Variants in ESRRG observed in about 807,000 individuals in gnomAD.
The protein encoded by ESRRG is estrogen related receptor gamma, also known as estrogen-related receptor gamma.
Under a neutral mutation model 44.0 loss-of-function variants are expected in ESRRG, and 13 were observed. The ratio of observed to expected loss-of-function variants is 0.30; its 90% CI spans 0.19 to 0.47. The LOEUF (loss-of-function observed/expected upper bound fraction) is 0.47. Among genes scored for constraint, ESRRG ranks in the 20% least tolerant of loss-of-function variants. ESRRG has a pLI of 1.00. For synonymous variants in ESRRG, 215 were observed against 214.6 expected, an observed-to-expected ratio of 1.00 and a Z score of -0.02; for missense variants, 395 against 580.6, an observed-to-expected ratio of 0.68 and a Z score of 3.29.
intron 5 of ESRRG, among the ~76,000 whole-genome samples, chr1:216,530,027 G>A (rs191328083): frequency 4.6e-4 from 68 of 146,764 alleles, no homozygotes; most frequent in African/African-American, 1.1e-3. Context: ...CAGGAAAATC[G>A]CTTGAACACA....
chr1:216,938,679 A>G (rs1036424983), intron 2 of ESRRG, among the ~76,000 whole-genome samples: 1 of 152,196 alleles, frequency 6.6e-6, no homozygotes, highest in African/African-American at 2.4e-5. Context: ...GAAAGGCATC[A>G]TTGGCAGTGA....
intron 2 of ESRRG, among the ~76,000 whole-genome samples, chr1:216,883,387 A>C (rs1328751270): frequency 4.8e-5 from 1 of 20,620 alleles, no homozygotes; most frequent in African/African-American, 4.2e-4. Context: ...CTTCTCTGAG[A>C]AAAAAAAAAA....
chr1:216,594,681 T>C (rs2058183266), intron 3 of ESRRG, among the ~76,000 whole-genome samples: 1 of 152,186 alleles, frequency 6.6e-6, no homozygotes. Flanking sequence ...GACCTTTGCA[T>C]ACATAGTTCA....
chr1:216,681,460 C>T lies in ESRRG; in HGVS notation c.57-3969G>A, dbSNP rs145272138. On this transcript the variant is annotated intron_variant, in intron 1 of 6. Transcript: ENST00000408911. ...CCTCCCTGCTCCCCCCACCCGACAACAGGCCCCAGTGTGTGATGTTCCCCT... is the reference window on the plus strand; with the variant it reads ...CCTCCCTGCTCCCCCCACCCGACAATAGGCCCCAGTGTGTGATGTTCCCCT... 9.2e-3 allele frequency among the ~76,000 whole-genome samples: 1,404 copies of T among 152,162 alleles called. 24 individuals are homozygous for T. The highest frequency in any genetic ancestry group is 0.032 in the African/African-American group (1,330 of 41,496).
intron 2 of ESRRG, among the ~76,000 whole-genome samples, chr1:216,828,940 T>C (rs1483048861): frequency 6.6e-6 from 1 of 152,196 alleles, no homozygotes; most frequent in African/African-American, 2.4e-5. Context: ...CAATGCCCCA[T>C]GGTTAGGGAT....
At chr1:217,068,393 C>T (rs2090085428) in intron 1 of ESRRG, among the ~76,000 whole-genome samples, 1 of 151,446 alleles carries the variant, frequency 6.6e-6, no homozygotes, top group African/African-American at 2.4e-5. Flanking sequence ...GTTTAATCCC[C>T]TTCCTAACTT....
chr1:216,714,272 C>A (rs2084305976), intron 1 of ESRRG, among the ~76,000 whole-genome samples: 1 of 152,100 alleles, frequency 6.6e-6, no homozygotes, highest in African/African-American at 2.4e-5. Context: ...ACTCTGTATG[C>A]AAATATGGGT....
intron 5 of ESRRG, among the ~76,000 whole-genome samples, chr1:216,542,608 G>A (rs1485971470): frequency 2.6e-5 from 4 of 151,764 alleles, no homozygotes; most frequent in East Asian, 1.9e-4. Flanking sequence ...ATCTCTAATC[G>A]TCCTTCAAAA....
intron 2 of ESRRG, among the ~76,000 whole-genome samples, chr1:216,733,044 T>A: frequency 7.0e-6 from 1 of 142,020 alleles, no homozygotes. Flanking sequence ...CATTCCTCAT[T>A]AAGACAGAAG....
chr1:217,117,560 G>C (rs959599518), intron 1 of ESRRG, among the ~76,000 whole-genome samples: 2 of 151,880 alleles, frequency 1.3e-5, no homozygotes, highest in African/African-American at 4.8e-5. Flanking sequence ...ATTCCAGCCT[G>C]GATGACAGAG....
chr1:216,640,891 T>C (rs957533136), intron 3 of ESRRG, among the ~76,000 whole-genome samples: 1 of 152,172 alleles, frequency 6.6e-6, no homozygotes, highest in Non-Finnish European at 1.5e-5. Context: ...GAGTCCTATA[T>C]GGTTCTGGCC....
At chr1:216,642,813 G>A (rs1420143706) in intron 3 of ESRRG, among the ~76,000 whole-genome samples, 1 of 152,038 alleles carries the variant, frequency 6.6e-6, no homozygotes, top group Non-Finnish European at 1.5e-5. Flanking sequence ...AAATCACCTT[G>A]GCAATGTCTT....
intron 1 of ESRRG, among the ~76,000 whole-genome samples, chr1:217,022,176 G>A (rs1295884618): frequency 6.6e-6 from 1 of 152,180 alleles, no homozygotes; most frequent in Non-Finnish European, 1.5e-5. Flanking sequence ...AAGCCATTCA[G>A]CCAAAGGCTA....
chr1:216,568,570 C>A (rs983429427), intron 3 of ESRRG, among the ~76,000 whole-genome samples: 7 of 152,168 alleles, frequency 4.6e-5, no homozygotes, highest in Non-Finnish European at 8.8e-5. Flanking sequence ...ATAAAGAGCA[C>A]CTATGTGCTG....
rs1011312489 is a variant in ESRRG at position 216,682,872 on chromosome 1, CT to C, written c.57-5382del. 1.3e-3 allele frequency among the ~76,000 whole-genome samples: 196 copies of C among 152,154 alleles called. 1 individual carries two copies. Among genetic ancestry groups the C allele is most frequent in the African/African-American group, 4.3e-3 (180 of 41,510 alleles). On this transcript the variant is annotated intron_variant, in intron 1 of 6. Coordinates refer to ENST00000408911, the MANE Select transcript of ESRRG (RefSeq NM_001438.4). ...TTCAAGCACGCTACTTTACAATGAG[CT>C]TTTTTCCCCCCTGCTTCAACTAATT...
chr1:216,701,555 AG>A (rs775008423), intron 1 of ESRRG: 2 of 152,344 alleles, frequency 1.3e-5, no homozygotes, highest in Admixed American at 1.3e-4. Context: ...AAGAAAACAA[AG>A]GAATCTGGCA....
chr1:217,102,211 T>C (rs1222272986), intron 1 of ESRRG, among the ~76,000 whole-genome samples: 1 of 152,230 alleles, frequency 6.6e-6, no homozygotes, highest in East Asian at 1.9e-4. Flanking sequence ...TGTTGTTACA[T>C]CCATTTTTAA....
intron 1 of ESRRG, among the ~76,000 whole-genome samples, chr1:217,127,473 C>G (rs1020286040): frequency 6.6e-6 from 1 of 152,172 alleles, no homozygotes; most frequent in South Asian, 2.1e-4. Flanking sequence ...CATTGCTAGA[C>G]CTTCCAGTGT....
At chr1:216,787,307 T>G (rs566456004) in intron 2 of ESRRG, among the ~76,000 whole-genome samples, 1 of 152,040 alleles carries the variant, frequency 6.6e-6, no homozygotes, top group Admixed American at 6.6e-5. Context: ...TAAGGCCATT[T>G]AAAAACCCCA....
Sources: allele counts gnomAD v4.1 joint callset (sites outside exome capture counted in the v4.1 genomes callset), GRCh38; gene constraint gnomAD v4.1.1; transcripts MANE v1.5; gene names NCBI Gene and HGNC (gene_info 2026-07-23, HGNC 2026-07-21).